ITPR2: variants seen among roughly 807,000 people sequenced by gnomAD.
ITPR2 encodes inositol 1,4,5-trisphosphate receptor type 2.
A neutral mutation model predicts 317.1 loss-of-function variants in ITPR2; 207 were observed. That is an observed-to-expected ratio of 0.65 (90% confidence interval 0.58 to 0.73). The LOEUF (loss-of-function observed/expected upper bound fraction) is 0.73. ITPR2 is among the 30% of genes least tolerant of loss of function. ITPR2 has a pLI of 0.00. For synonymous variants in ITPR2, 1,156 were observed against 1,149.1 expected (o/e 1.01, Z -0.12); for missense variants, 2,613 against 3,284.0 (o/e 0.80, Z 4.99).
chr12:26,628,897 T>A (rs1004418200), intron 22 of ITPR2, among the ~76,000 whole-genome samples: 1 of 152,048 alleles, frequency 6.6e-6, no homozygotes, highest in Non-Finnish European at 1.5e-5. Flanking sequence ...ACAACAGAAA[T>A]CAAAGAAGAA....
rs758432425 is a variant in ITPR2 at position 26,419,171 on chromosome 12, G to A, written c.6988C>T (p.Arg2330Cys). 11 of 1,613,560 alleles carry A rather than the reference G, an allele frequency of 6.8e-6. No homozygotes were observed. The highest frequency in any genetic ancestry group is 4.5e-5 in the East Asian group (2 of 44,854). The part of the protein sequence containing the change: ...IVFLVSFVGN[R>C]GTFTRGYRAV... Reference sequence around the variant, plus strand: ...CGGTACCCACGGGTGAACGTGCCACGATTTCCAACAAAACTCACCAGAAAA... The same window carrying A: ...CGGTACCCACGGGTGAACGTGCCACAATTTCCAACAAAACTCACCAGAAAA... The change falls in exon 50 of 57, where the codon CGT (arginine) becomes TGT (cysteine). Residue 2330 changes from arginine (R) to cysteine (C), a missense_variant. Physicochemically the swap from Arg to Cys is radical, Grantham distance 180. Coordinates refer to ENST00000381340, the MANE Select transcript of ITPR2 (RefSeq NM_002223.4).
At chr12:26,478,583 C>A (rs1045190478) in intron 43 of ITPR2, among the ~76,000 whole-genome samples, 3 of 151,992 alleles carry the variant, frequency 2.0e-5, no homozygotes, top group Admixed American at 6.6e-5. Flanking sequence ...TTTTTTCTAG[C>A]CAATCTTCTT....
chr12:26,628,047 G>A lies in ITPR2; in HGVS notation c.3050C>T (p.Thr1017Ile). ...AETSASGSPD[T>I]LLPSAIVPDI... ...CAAAAAGATACCTGATGGTAGTAAA[G>A]TGTCTGGAGATCCACTGGCAGATGT... The change falls in exon 23 of 57, where the codon ACT becomes ATT. Residue 1017 changes from threonine (T) to isoleucine (I), a missense_variant. This residue lies in a region of ITPR2 where 817 missense variants were observed against 897.6 expected (regional missense o/e 0.91). Transcript: ENST00000381340. The A allele has an allele frequency of 6.2e-7, 1 of 1,610,600 alleles. No homozygotes were observed. Among genetic ancestry groups the A allele is most frequent in the Admixed American group, 1.7e-5 (1 of 59,244 alleles).
chr12:26,697,182 C>T (rs1948367670), intron 9 of ITPR2, among the ~76,000 whole-genome samples: 1 of 152,172 alleles, frequency 6.6e-6, no homozygotes, highest in Admixed American at 6.5e-5. Context: ...GCCAGCCCTG[C>T]AGCTGAACAT....
chr12:26,403,616 T>TA (rs1001559002), intron 52 of ITPR2, among the ~76,000 whole-genome samples: 8 of 151,756 alleles, frequency 5.3e-5, no homozygotes, highest in South Asian at 2.1e-4. Flanking sequence ...ACTCTGTCTC[T>TA]AAAAAAAACA....
At chr12:26,725,370 T>G (rs1948902475) in intron 3 of ITPR2, among the ~76,000 whole-genome samples, 1 of 152,194 alleles carries the variant, frequency 6.6e-6, no homozygotes, top group Admixed American at 6.5e-5. Flanking sequence ...GGATTTAATA[T>G]TCTTACAGAG....
intron 2 of ITPR2, among the ~76,000 whole-genome samples, chr12:26,739,845 A>G (rs1253872272): frequency 6.6e-6 from 1 of 152,242 alleles, no homozygotes; most frequent in Non-Finnish European, 1.5e-5. Context: ...ATAGTCCTCA[A>G]TTGTTCACTT....
chr12:26,768,159 A>C (rs950745130), intron 2 of ITPR2, among the ~76,000 whole-genome samples: 2 of 152,100 alleles, frequency 1.3e-5, no homozygotes, highest in Middle Eastern at 3.2e-3. Context: ...GCAGCAAACC[A>C]GCATGGCACA....
At chr12:26,478,847 T>A (rs1032947344) in intron 43 of ITPR2, among the ~76,000 whole-genome samples, 1 of 151,568 alleles carries the variant, frequency 6.6e-6, no homozygotes, top group East Asian at 1.9e-4. Context: ...ACAACAAATA[T>A]GAAAAAGTAA....
At chr12:26,679,639 A>G (rs1247954944) in intron 13 of ITPR2, among the ~76,000 whole-genome samples, 1 of 152,144 alleles carries the variant, frequency 6.6e-6, no homozygotes, top group East Asian at 1.9e-4. Flanking sequence ...AATGTCACAC[A>G]TAGTACTACA....
chr12:26,754,509 C>A (rs1308289282), intron 2 of ITPR2, among the ~76,000 whole-genome samples: 1 of 152,202 alleles, frequency 6.6e-6, no homozygotes, highest in Non-Finnish European at 1.5e-5. Flanking sequence ...GTAATTGAGA[C>A]TACTGAAGGA....
At chr12:26,697,446 A>G (rs1948371828) in intron 9 of ITPR2, among the ~76,000 whole-genome samples, 1 of 152,218 alleles carries the variant, frequency 6.6e-6, no homozygotes, top group Admixed American at 6.5e-5. Context: ...CATTCTCAGG[A>G]AAGTACAAGT....
chr12:26,819,915 A>G (rs186420055), intron 1 of ITPR2, among the ~76,000 whole-genome samples: 1 of 151,912 alleles, frequency 6.6e-6, no homozygotes, highest in African/African-American at 2.4e-5. Context: ...AAAAATACCC[A>G]AAAAAATTAG....
chr12:26,456,319 C>T (rs1306309472), intron 45 of ITPR2, among the ~76,000 whole-genome samples: 1 of 152,206 alleles, frequency 6.6e-6, no homozygotes, highest in African/African-American at 2.4e-5. Context: ...CATTGGCATG[C>T]TTAAAGACAC....
At chr12:26,424,873 C>T (rs1478866102) in intron 49 of ITPR2, among the ~76,000 whole-genome samples, 2 of 152,048 alleles carry the variant, frequency 1.3e-5, no homozygotes, top group Admixed American at 6.5e-5. Flanking sequence ...GATTCTCTGG[C>T]CTCAGCCTCT....
At chr12:26,385,140 A>G (rs1314367273) in intron 55 of ITPR2, among the ~76,000 whole-genome samples, 2 of 152,134 alleles carry the variant, frequency 1.3e-5, no homozygotes, top group African/African-American at 2.4e-5. Context: ...TTCAAGACTC[A>G]TCCATGAAAT....
At chr12:26,781,862 G>C (rs1950082741) in intron 2 of ITPR2, among the ~76,000 whole-genome samples, 1 of 151,714 alleles carries the variant, frequency 6.6e-6, no homozygotes, top group African/African-American at 2.4e-5. Flanking sequence ...GACTGGCTTA[G>C]CCTCCCAGCC....
chr12:26,647,865 T>C (rs1411879425), intron 21 of ITPR2, among the ~76,000 whole-genome samples: 1 of 152,234 alleles, frequency 6.6e-6, no homozygotes, highest in Non-Finnish European at 1.5e-5. Flanking sequence ...TCCCTGTGTC[T>C]CCATATGAGC....
chr12:26,381,963 A>G (rs1036752496), intron 55 of ITPR2, among the ~76,000 whole-genome samples: 3 of 152,330 alleles, frequency 2.0e-5, no homozygotes, highest in Admixed American at 6.5e-5. Flanking sequence ...TGACCCCAAA[A>G]TGTTAGAGAA....
Sources: gnomAD v4.1 joint callset for allele counts (sites outside exome capture counted in the v4.1 genomes callset) on GRCh38, gnomAD v4.1.1 for gene constraint, gnomAD v4.1.1 regional missense constraint, MANE v1.5 for transcripts, NCBI Gene and HGNC (gene_info 2026-07-23, HGNC 2026-07-21) for gene names.